The following AGBL1 variants were observed in gnomAD, a reference collection of about 807,000 sequenced individuals.
AGBL1 encodes AGBL carboxypeptidase 1.
In AGBL1, 130 loss-of-function variants were observed where a neutral mutation model predicts 118.9. That is an observed-to-expected ratio of 1.09 (90% CI 0.95 to 1.26). AGBL1 has a LOEUF of 1.26. Among genes scored for constraint, AGBL1 ranks in the 50% most tolerant of loss-of-function variants. The pLI is 0.00. For synonymous variants in AGBL1, 555 were observed against 478.9 expected (o/e 1.16, Z -2.08); for missense variants, 1,584 against 1,298.1 (o/e 1.22, Z -3.38).
chr15:86,375,122 CT>C (rs2081024203), intron 17 of AGBL1, among the ~76,000 whole-genome samples: 1 of 152,226 alleles, frequency 6.6e-6, no homozygotes, highest in Non-Finnish European at 1.5e-5. Flanking sequence ...TATCTGACCC[CT>C]GGTAAGATGA....
chr15:86,254,045 G>T (rs1185889269), intron 7 of AGBL1, among the ~76,000 whole-genome samples: 1 of 152,166 alleles, frequency 6.6e-6, no homozygotes, highest in African/African-American at 2.4e-5. Context: ...CTACATAGAA[G>T]CAGAGCTGGA....
At chr15:86,744,990 G>A (rs2077734595) in intron 22 of AGBL1, among the ~76,000 whole-genome samples, 1 of 152,098 alleles carries the variant, frequency 6.6e-6, no homozygotes, top group African/African-American at 2.4e-5. Flanking sequence ...AGGGCTAAAA[G>A]CGGGGCCAGG....
At chr15:86,529,760 T>C (rs1392669009) in intron 19 of AGBL1, among the ~76,000 whole-genome samples, 11 of 151,920 alleles carry the variant, frequency 7.2e-5, no homozygotes, top group Non-Finnish European at 1.3e-4. Context: ...AGCGGATCTC[T>C]CGGCAGAAAC....
chr15:86,905,981 G>A (rs1324252963), intron 22 of AGBL1, among the ~76,000 whole-genome samples: 2 of 152,170 alleles, frequency 1.3e-5, no homozygotes, highest in Non-Finnish European at 2.9e-5. Context: ...TTAGGGTACC[G>A]CAGCCTGGAG....
chr15:86,141,583 G>A (rs1319565536), intron 1 of AGBL1, among the ~76,000 whole-genome samples: 2 of 152,172 alleles, frequency 1.3e-5, no homozygotes, highest in Non-Finnish European at 2.9e-5. Context: ...CCCGGGAGGT[G>A]GAAGTTGCAG....
chr15:86,158,993 C>A lies in AGBL1; in HGVS notation c.455C>A (p.Thr152Asn). 1 of 1,613,342 alleles carries A rather than the reference C, an allele frequency of 6.2e-7. No individual in the cohort carries two copies. The highest frequency in any genetic ancestry group is 8.5e-7 in the Non-Finnish European group (1 of 1,179,418). The change falls in exon 5 of 23, where the codon ACT becomes AAT. Residue 152 changes from threonine to asparagine, a missense_variant. By Grantham distance (65) the Thr-to-Asn change is moderately conservative. Transcript: ENST00000614907. ...GAMELLFKVI[T>N]PYTRKRTQAI... is the part of the protein sequence containing the mutation. ...ATGGAACTGCTTTTCAAGGTTATTA[C>A]TCCTTACACCCGAAAGCGCACCCAA...
chr15:86,738,480 T>A (rs2077632766), intron 22 of AGBL1, among the ~76,000 whole-genome samples: 2 of 152,038 alleles, frequency 1.3e-5, no homozygotes, highest in Admixed American at 6.6e-5. Flanking sequence ...ATAGAAAAAC[T>A]TAAAGATGCC....
chr15:86,768,282 T>A (rs988312227), intron 22 of AGBL1, among the ~76,000 whole-genome samples: 1 of 152,030 alleles, frequency 6.6e-6, no homozygotes, highest in Non-Finnish European at 1.5e-5. Flanking sequence ...TCCCATTGCA[T>A]ATAACATAGT....
intron 5 of AGBL1, among the ~76,000 whole-genome samples, chr15:86,209,571 C>G (rs983317191): frequency 2.6e-5 from 4 of 152,188 alleles, no homozygotes; most frequent in African/African-American, 9.6e-5. Context: ...TATGCAATGG[C>G]CTTCTTTGTC....
intron 22 of AGBL1, among the ~76,000 whole-genome samples, chr15:86,811,235 T>A (rs1476680570): frequency 6.6e-6 from 1 of 152,214 alleles, no homozygotes; most frequent in East Asian, 1.9e-4. Flanking sequence ...CTATTGGTAG[T>A]GGTGAACCAT....
chr15:86,898,897 C>T (rs538061908), intron 22 of AGBL1, among the ~76,000 whole-genome samples: 1 of 152,226 alleles, frequency 6.6e-6, no homozygotes, highest in South Asian at 2.1e-4. Flanking sequence ...ATAACATTTG[C>T]TAGCATGGTG....
chr15:86,529,569 C>T (rs2083319804), intron 19 of AGBL1, among the ~76,000 whole-genome samples: 1 of 119,450 alleles, frequency 8.4e-6, no homozygotes, highest in South Asian at 2.6e-4. Flanking sequence ...CCCAATCTAG[C>T]AAGGCAGGCC....
intron 22 of AGBL1, among the ~76,000 whole-genome samples, chr15:86,724,652 A>C (rs1022947093): frequency 2.0e-5 from 3 of 152,174 alleles, no homozygotes; most frequent in African/African-American, 7.2e-5. Flanking sequence ...GTTCCCTCCA[A>C]ATCTCATGTT....
intron 22 of AGBL1, among the ~76,000 whole-genome samples, chr15:86,832,185 T>C (rs1285491876): frequency 6.6e-6 from 1 of 152,210 alleles, no homozygotes; most frequent in East Asian, 1.9e-4. Context: ...AGGTCTGTGA[T>C]GGAAAGGGCT....
At chr15:86,674,694 C>T (rs954600467) in intron 22 of AGBL1, among the ~76,000 whole-genome samples, 5 of 152,040 alleles carry the variant, frequency 3.3e-5, no homozygotes, top group African/African-American at 1.2e-4. Flanking sequence ...TAAGATGTGG[C>T]TTGGTGACAC....
At chr15:86,199,071 T>C (rs2077863146) in intron 5 of AGBL1, among the ~76,000 whole-genome samples, 1 of 152,228 alleles carries the variant, frequency 6.6e-6, no homozygotes, top group Admixed American at 6.5e-5. Context: ...TGTGTATGTA[T>C]ACATACATTA....
At chr15:86,851,874 G>C (rs547432356) in intron 22 of AGBL1, among the ~76,000 whole-genome samples, 40 of 152,226 alleles carry the variant, frequency 2.6e-4, no homozygotes, top group African/African-American at 7.5e-4. Flanking sequence ...GGGAGGTAGT[G>C]GGAAGTTCAG....
chr15:86,097,518 T>C (rs1423663195), intron 1 of AGBL1, among the ~76,000 whole-genome samples: 1 of 151,378 alleles, frequency 6.6e-6, no homozygotes, highest in East Asian at 1.9e-4. Context: ...AGCTAATCTC[T>C]ATTTCCATGA....
In AGBL1 at chr15:86,469,725, A is replaced by G. The variant is rs185077600; in HGVS notation, c.2556-53085A>G. On this transcript the variant is annotated intron_variant, in intron 18 of 22. Transcript: ENST00000614907. ...ATACAAAGGGTATTTTTCCTTACAC[A>G]CTCTCCAATACTTGTTATATTTTGT... Among the ~76,000 whole-genome samples, 17 of 151,858 alleles carry G rather than the reference A, an allele frequency of 1.1e-4. No homozygotes were observed. In the South Asian group the frequency reaches 1.3e-3, roughly 11 times the overall value.
Sources: allele counts gnomAD v4.1 joint callset (sites outside exome capture counted in the v4.1 genomes callset), GRCh38; gene constraint gnomAD v4.1.1; transcripts MANE v1.5; gene names NCBI Gene and HGNC (gene_info 2026-07-23, HGNC 2026-07-21).